SNRNP35: variants seen among roughly 807,000 people sequenced by gnomAD.
SNRNP35 encodes small nuclear ribonucleoprotein U11/U12 subunit 35.
A neutral mutation model predicts 24.3 loss-of-function variants in SNRNP35; 16 were observed. The observed-to-expected ratio is 0.66, with a 90% CI of 0.45 to 1.00. The LOEUF is 1.00. SNRNP35 is among the 50% of genes least tolerant of loss of function. The pLI, the probability that SNRNP35 is intolerant of heterozygous loss-of-function variation, is 0.00. For synonymous variants in SNRNP35, 106 were observed against 124.8 expected, an observed-to-expected ratio of 0.85 and a Z score of 1.00; for missense variants, 292 against 327.2, an observed-to-expected ratio of 0.89 and a Z score of 0.83.
downstream of SNRNP35, among the ~76,000 whole-genome samples, chr12:123,467,419 T>C (rs1481081103): frequency 6.6e-6 from 1 of 152,064 alleles, no homozygotes; most frequent in Non-Finnish European, 1.5e-5. Context: ...GAATAAGGAG[T>C]GGTCAGGATC....
At chr12:123,460,506 G>A (rs1363982918) in intron 1 of SNRNP35, among the ~76,000 whole-genome samples, 1 of 145,406 alleles carries the variant, frequency 6.9e-6, no homozygotes, top group Non-Finnish European at 1.5e-5. Context: ...TGGCTCACAT[G>A]TGTAATCCCA....
chr12:123,465,530 A>G lies in SNRNP35; in HGVS notation c.-3-8A>G, dbSNP rs748056568. ...GGCTCCATCCACGCTTGCTCTTATCATTCATAGAACATGAACGATTGGATG... is the reference window on the plus strand; with the variant it reads ...GGCTCCATCCACGCTTGCTCTTATCGTTCATAGAACATGAACGATTGGATG... On this transcript the variant is annotated splice_region_variant and splice_polypyrimidine_tract_variant and intron_variant, in intron 1 of 1. Coordinates refer to ENST00000526639, the MANE Select transcript of SNRNP35 (RefSeq NM_022717.4). The surrounding 1 kb of genome is among the most constrained non-coding windows in gnomAD (Gnocchi z 4.2). The G allele has an allele frequency of 1.1e-5, 17 of 1,533,766 alleles. No homozygotes were observed. The highest frequency in any genetic ancestry group is 1.5e-5 in the Non-Finnish European group (17 of 1,141,182).
chr12:123,469,120 T>TG (rs1406215641), downstream of SNRNP35, among the ~76,000 whole-genome samples: 4 of 151,840 alleles, frequency 2.6e-5, no homozygotes, highest in African/African-American at 9.6e-5. Context: ...AAATGTCCCC[T>TG]GGGGGGCTCA....
intron 1 of SNRNP35, 85 bp downstream of exon 1, chr12:123,458,301 G>C: frequency 2.2e-6 from 2 of 900,474 alleles, no homozygotes; most frequent in Non-Finnish European, 2.7e-6. Flanking sequence ...GCCCGCGCTT[G>C]TGTGGGGCGC....
chr12:123,461,339 G>A (rs1880618224), intron 1 of SNRNP35, among the ~76,000 whole-genome samples: 1 of 144,414 alleles, frequency 6.9e-6, no homozygotes, highest in Non-Finnish European at 1.5e-5. Flanking sequence ...TGTTAGCCAG[G>A]ATGGTCTCAA....
intron 1 of SNRNP35, among the ~76,000 whole-genome samples, chr12:123,462,736 C>T: frequency 6.6e-6 from 1 of 151,926 alleles, no homozygotes; most frequent in Non-Finnish European, 1.5e-5. Flanking sequence ...AGTGATCCTC[C>T]CGTCTTGGCC....
Position 123,458,176 on chromosome 12 carries a change from C to T in SNRNP35, c.-44C>T. 2 of 985,464 alleles carry T rather than the reference C, an allele frequency of 2.0e-6. No homozygotes were observed. Among genetic ancestry groups the T allele is most frequent in the Non-Finnish European group, 1.2e-6 (1 of 829,976 alleles). 61.0% of individuals were successfully genotyped at this position (985,464 alleles called of 1,614,324 possible). A position where few individuals can be genotyped will look rare whatever the true frequency, so the allele number is the denominator to read the frequency against. ...GAGAATCTGCTGTCGCCTGCAGCTG[C>T]TCGCCTGTCTCCGTCGGAAGGGAGC... is the stretch of plus-strand genomic sequence containing the variant. On this transcript the variant is annotated 5_prime_UTR_variant, in exon 1 of 2. Coordinates refer to ENST00000526639, the MANE Select transcript of SNRNP35 (RefSeq NM_022717.4).
At chr12:123,461,859 C>T (rs7978323) in intron 1 of SNRNP35, among the ~76,000 whole-genome samples, 46,688 of 151,574 alleles carry the variant, frequency 0.31, 8,973 homozygotes, top group African/African-American at 0.54. Context: ...GTAGCTGGGA[C>T]TGCAGGCGCC....
Position 123,466,232 on chromosome 12 carries a change from TC to T in SNRNP35, c.693del (p.Phe231LeufsTer42). Reference protein sequence around the residue: ...PDNDWERERDFRDDRIKGREK... With the variant: ...PDNDWERERDXRDDRIKGREK... ...AATGACTGGGAGAGAGAGAGGGACT[TC>T]AGAGATGACAGGATCAAGGGGAGGG... On this transcript the variant is annotated frameshift_variant, in exon 2 of 2. Coordinates refer to ENST00000526639, the MANE Select transcript of SNRNP35 (RefSeq NM_022717.4). LOFTEE classifies it high-confidence loss of function. 1 of 1,545,098 alleles carries T rather than the reference TC, an allele frequency of 6.5e-7. No homozygotes were observed. The highest frequency in any genetic ancestry group is 1.4e-5 in the African/African-American group (1 of 72,186).
chr12:123,460,338 C>T (rs1298503403), intron 1 of SNRNP35, among the ~76,000 whole-genome samples: 3 of 152,144 alleles, frequency 2.0e-5, no homozygotes, highest in Non-Finnish European at 4.4e-5. Flanking sequence ...GGTTCTAACT[C>T]CTCCACTGGG....
chr12:123,461,062 A>C (rs1880592232), intron 1 of SNRNP35, among the ~76,000 whole-genome samples: 1 of 138,238 alleles, frequency 7.2e-6, no homozygotes, highest in African/African-American at 2.8e-5. Context: ...GGATCCTCCC[A>C]TTTTGGCCTC....
intron 1 of SNRNP35, 44 bp downstream of exon 1, chr12:123,458,260 G>A: frequency 1.0e-6 from 1 of 982,790 alleles, no homozygotes; most frequent in Non-Finnish European, 1.2e-6. Context: ...ACGCCGGAGA[G>A]AAGGAAGAGG....
rs748292386 is a variant in SNRNP35, at chr12:123,465,666, C to T, written c.126C>T (p.Asn42=). ...CAATGCTGGCACGATATGTCCCCAA[C>T]AAAGGTGTCATAGGAGATCCCCTCC... The part of the protein sequence containing the change: ...WRAMLARYVP[N]KGVIGDPLLT... The change falls in exon 2 of 2, where the codon AAC becomes AAT. Residue 42 remains asparagine, a synonymous_variant. Coordinates refer to ENST00000526639, the MANE Select transcript of SNRNP35 (RefSeq NM_022717.4). The surrounding 1 kb of genome is among the most constrained non-coding windows in gnomAD (Gnocchi z 4.2). 51 of 1,613,868 alleles carry T rather than the reference C, an allele frequency of 3.2e-5. No homozygotes were observed. Among genetic ancestry groups the T allele is most frequent in the Non-Finnish European group, 3.9e-5 (46 of 1,179,976 alleles).
In SNRNP35 at chr12:123,461,282, A is replaced by ATTT. The variant is rs71088913; in HGVS notation, c.-4+3081_-4+3083dup. 4.1e-3 allele frequency among the ~76,000 whole-genome samples: 544 copies of ATTT among 131,162 alleles called. 4 individuals carry two copies. Among genetic ancestry groups the ATTT allele is most frequent in the East Asian group, 0.012 (50 of 4,316 alleles). The allele number at this position is 131,162 out of a possible 152,430, so 86.0% of individuals were successfully genotyped here. A position where few individuals can be genotyped will look rare whatever the true frequency, so the allele number is the denominator to read the frequency against. ...AGGCGCCCACCACTACGCCTGGCTA[A>ATTT]TTTTTTTTTTTTTTTTTGTATTTTT... On this transcript the variant is annotated intron_variant, in intron 1 of 1. Coordinates refer to ENST00000526639, the MANE Select transcript of SNRNP35 (RefSeq NM_022717.4).
In SNRNP35 at chr12:123,466,341, CT is replaced by C. The variant is rs1025678806; in HGVS notation, c.*63del. On this transcript the variant is annotated 3_prime_UTR_variant, in exon 2 of 2. Transcript: ENST00000526639. ...GTGGAAATGAGTGGAGGGGGATTGT[CT>C]TTCAACGCAGCGTGAGTCTAATGGT... is the stretch of plus-strand genomic sequence containing the variant. 1.8e-5 allele frequency: 27 copies of C among 1,467,266 alleles called. No homozygotes were observed. The highest frequency in any genetic ancestry group is 7.3e-6 in the Non-Finnish European group (8 of 1,098,182). 90.9% of individuals were successfully genotyped at this position (1,467,266 alleles called of 1,614,324 possible).
rs762161994 is a variant in SNRNP35 at position 123,465,504 on chromosome 12, A to C, written c.-3-34A>C. 4 of 1,518,840 alleles carry C rather than the reference A, an allele frequency of 2.6e-6. No individual in the cohort carries two copies. Among genetic ancestry groups the C allele is most frequent in the African/African-American group, 2.8e-5 (2 of 71,716 alleles). 94.1% of individuals were successfully genotyped at this position (1,518,840 alleles called of 1,614,324 possible). ...GGGTTGAATGAGTGGCTCAGAGTAG[A>C]GGCTCCATCCACGCTTGCTCTTATC... is the stretch of plus-strand genomic sequence containing the variant. On this transcript the variant is annotated intron_variant, in intron 1 of 1. Coordinates refer to ENST00000526639, the MANE Select transcript of SNRNP35 (RefSeq NM_022717.4). This position sits in a 1 kb window ranked among gnomAD's most constrained non-coding sequence, Gnocchi z 4.2.
chr12:123,468,718 C>CA (rs1297702112), downstream of SNRNP35, among the ~76,000 whole-genome samples: 2 of 152,136 alleles, frequency 1.3e-5, no homozygotes, highest in Admixed American at 6.6e-5. Context: ...CTTGCACACT[C>CA]AGACTCCAAC....
Position 123,465,159 on chromosome 12 carries a change from T to C in SNRNP35, c.-3-379T>C, listed in dbSNP as rs183425153. On this transcript the variant is annotated intron_variant, in intron 1 of 1. Coordinates refer to ENST00000526639, the MANE Select transcript of SNRNP35 (RefSeq NM_022717.4). The surrounding 1 kb of genome is among the most constrained non-coding windows in gnomAD (Gnocchi z 4.2). ...AGCAGTTCCTGGGCTAGTTTTCCTA[T>C]GATCATTTTAAAGGTTCTGAAAGAG... Among the ~76,000 whole-genome samples the C allele has an allele frequency of 2.2e-4, 33 of 152,350 alleles. No homozygotes were observed. The highest frequency in any genetic ancestry group is 7.0e-4 in the African/African-American group (29 of 41,590).
chr12:123,472,427 C>T (rs1881249259), exon 2 of SNRNP35: 1 of 1,196,936 alleles, frequency 8.4e-7, no homozygotes, highest in Non-Finnish European at 1.2e-6. Context: ...GGTCAGTTTT[C>T]AGGGTGCATC....
Sources: allele counts gnomAD v4.1 joint callset (sites outside exome capture counted in the v4.1 genomes callset), GRCh38; gene constraint gnomAD v4.1.1; non-coding constraint Gnocchi (gnomAD v3.1); transcripts MANE v1.5; gene names NCBI Gene and HGNC (gene_info 2026-07-23, HGNC 2026-07-21).